Variants in VAMP4 observed in about 807,000 individuals in gnomAD.
VAMP4 encodes vesicle associated membrane protein 4.
In VAMP4, 19 loss-of-function variants were observed where a neutral mutation model predicts 23.5. That is an observed-to-expected ratio of 0.81 (90% confidence interval 0.56 to 1.19). The LOEUF (loss-of-function observed/expected upper bound fraction) is 1.19, where lower values mean the gene tolerates loss of function less well. Among genes scored for constraint, VAMP4 ranks in the 50% most tolerant of loss-of-function variants. The pLI, the probability that VAMP4 is intolerant of heterozygous loss-of-function variation, is 0.00. For synonymous variants in VAMP4, 31 were observed against 51.0 expected (o/e 0.61, Z 1.67); for missense variants, 145 against 168.6 (o/e 0.86, Z 0.78).
At position 171,710,713 on chromosome 1, in the gene VAMP4, C is replaced by T; in HGVS notation, c.265+1G>A. On this transcript the variant is annotated splice_donor_variant, in intron 5 of 7. Coordinates refer to ENST00000236192, the MANE Select transcript of VAMP4 (RefSeq NM_003762.5). LOFTEE classifies it high-confidence loss of function. ...ATCAAGAAATACATGAAGATCTGTACCTGATTTGTCCTGTAGTTCATCTAG... is the reference window on the plus strand; with the variant it reads ...ATCAAGAAATACATGAAGATCTGTATCTGATTTGTCCTGTAGTTCATCTAG... 1 of 1,590,626 alleles carries T rather than the reference C, an allele frequency of 6.3e-7. No homozygotes were observed. Among genetic ancestry groups the T allele is most frequent in the Non-Finnish European group, 8.6e-7 (1 of 1,165,620 alleles).
At position 171,730,690 on chromosome 1, in the gene VAMP4, GA is replaced by G. The variant is rs1216579395; in HGVS notation, c.67-2121del. On this transcript the variant is annotated intron_variant, in intron 2 of 7. Transcript: ENST00000236192. ...GTTAGTAACAAAAGAGAGAGGGAAGGAGGGGGAAGGGAGTAAAGTATCTAAA... is the reference window on the plus strand; with the variant it reads ...GTTAGTAACAAAAGAGAGAGGGAAGGGGGGGAAGGGAGTAAAGTATCTAAA... Among the ~76,000 whole-genome samples, 5 of 140,110 alleles carry G rather than the reference GA, an allele frequency of 3.6e-5. No homozygotes were observed. The East Asian group carries it at 1.2e-3, about 33-fold the overall frequency. 91.9% of individuals were successfully genotyped at this position (140,110 alleles called of 152,430 possible).
Position 171,702,408 on chromosome 1 carries a change from A to T in VAMP4, c.*2098T>A, listed in dbSNP as rs201577572. The T allele has an allele frequency of 2.0e-5, 3 of 152,134 alleles. No individual in the cohort carries two copies. Among genetic ancestry groups the T allele is most frequent in the Non-Finnish European group, 2.9e-5 (2 of 67,900 alleles). The allele number at this position is 152,134 out of a possible 1,614,324, so 9.4% of individuals were successfully genotyped here. On this transcript the variant is annotated 3_prime_UTR_variant, in exon 8 of 8. Transcript: ENST00000236192. ...TTGTCAAAAAATTTTACTGTTACTTATTATTTAAATTTAAAAATTTTATAA... is the reference window on the plus strand; with the variant it reads ...TTGTCAAAAAATTTTACTGTTACTTTTTATTTAAATTTAAAAATTTTATAA...
chr1:171,704,599 A>C (rs920500758), intron 7 of VAMP4, 65 bp from the exon 8 acceptor site: 89 of 1,267,406 alleles, frequency 7.0e-5, no homozygotes, highest in Non-Finnish European at 8.9e-5. Flanking sequence ...GTTTGAAGCA[A>C]TATTCCTAAA....
chr1:171,716,930 C>T (rs1655038505), intron 4 of VAMP4, among the ~76,000 whole-genome samples: 1 of 152,186 alleles, frequency 6.6e-6, no homozygotes, highest in Non-Finnish European at 1.5e-5. Context: ...GTAAAAAACG[C>T]TATACTTAAC....
Position 171,701,508 on chromosome 1 carries a change from C to T in VAMP4, c.*2998G>A, listed in dbSNP as rs1016908401. ...TATATTCCTGCCTTCTCAGTCTGTA[C>T]ACATATTATCATTTACAGGATAGTC... On this transcript the variant is annotated 3_prime_UTR_variant, in exon 8 of 8. Coordinates refer to ENST00000236192, the MANE Select transcript of VAMP4 (RefSeq NM_003762.5). 3 of 152,114 alleles carry T rather than the reference C, an allele frequency of 2.0e-5. No individual in the cohort carries two copies. The highest frequency in any genetic ancestry group is 2.0e-4 in the Admixed American group (3 of 15,260). The allele number at this position is 152,114 out of a possible 1,614,324, so 9.4% of individuals were successfully genotyped here.
At chr1:171,725,321 T>A (rs949764610) in intron 3 of VAMP4, among the ~76,000 whole-genome samples, 2 of 152,162 alleles carry the variant, frequency 1.3e-5, no homozygotes, top group African/African-American at 4.8e-5. Context: ...AGTTCCTGGG[T>A]GTAGAGGCTT....
intron 3 of VAMP4, among the ~76,000 whole-genome samples, chr1:171,727,890 CAGAA>C (rs1171857327): frequency 1.3e-5 from 2 of 152,170 alleles, no homozygotes; most frequent in African/African-American, 4.8e-5. Context: ...ACTACAGTGA[CAGAA>C]AGCAGAGCAC....
intron 3 of VAMP4, among the ~76,000 whole-genome samples, chr1:171,720,590 C>T (rs1248804940): frequency 2.0e-5 from 3 of 151,984 alleles, no homozygotes; most frequent in Non-Finnish European, 4.4e-5. Context: ...GATTTATTAA[C>T]AGAAGCTAAG....
At chr1:171,734,752 C>T (rs1336805471) in intron 2 of VAMP4, among the ~76,000 whole-genome samples, 1 of 152,092 alleles carries the variant, frequency 6.6e-6, no homozygotes, top group Non-Finnish European at 1.5e-5. Context: ...AAGGAGTTCT[C>T]TTGAAACAGT....
chr1:171,711,977 C>T (rs1229062240), intron 4 of VAMP4, among the ~76,000 whole-genome samples: 1 of 152,126 alleles, frequency 6.6e-6, no homozygotes, highest in African/African-American at 2.4e-5. Context: ...AGTGCAGTCA[C>T]ATGCTGTACG....
At chr1:171,713,215 A>G (rs1478089529) in intron 4 of VAMP4, among the ~76,000 whole-genome samples, 3 of 152,156 alleles carry the variant, frequency 2.0e-5, no homozygotes, top group Non-Finnish European at 2.9e-5. Context: ...CAGTGACTGT[A>G]GAGCCCTCCA....
In VAMP4 at chr1:171,734,698, C is replaced by T. The variant is rs892592835; in HGVS notation, c.66+3651G>A. Among the ~76,000 whole-genome samples the T allele has an allele frequency of 5.3e-5, 8 of 152,176 alleles. No individual in the cohort carries two copies. The South Asian group carries it at 1.0e-3, about 20-fold the overall frequency. The stretch of plus-strand genomic sequence containing the variant: ...TTTTAAAAGTAATTTATATATTATT[C>T]TAACCAATCAGTTATCAAACTTCAT... On this transcript the variant is annotated intron_variant, in intron 2 of 7. Transcript: ENST00000236192.
intron 2 of VAMP4, among the ~76,000 whole-genome samples, chr1:171,729,397 T>C (rs1479895543): frequency 1.3e-5 from 2 of 152,200 alleles, no homozygotes; most frequent in South Asian, 2.1e-4. Context: ...GTTTCAAATA[T>C]AGCTTATATA....
intron 4 of VAMP4, among the ~76,000 whole-genome samples, chr1:171,713,223 C>G (rs1348850924): frequency 6.6e-6 from 1 of 151,788 alleles, no homozygotes; most frequent in African/African-American, 2.4e-5. Flanking sequence ...GTAGAGCCCT[C>G]CATTTAACTA....
intron 6 of VAMP4, among the ~76,000 whole-genome samples, chr1:171,707,675 G>C (rs1230743592): frequency 1.3e-5 from 2 of 152,008 alleles, no homozygotes; most frequent in Non-Finnish European, 2.9e-5. Context: ...TACTGTAAAT[G>C]GTGTTTGTTA....
At chr1:171,712,935 CTCT>C (rs989064229) in intron 4 of VAMP4, among the ~76,000 whole-genome samples, 2 of 152,158 alleles carry the variant, frequency 1.3e-5, no homozygotes, top group Non-Finnish European at 2.9e-5. Context: ...TACCCCATTA[CTCT>C]ATTTTATTTA....
chr1:171,733,780 G>A (rs1655639900), intron 2 of VAMP4, among the ~76,000 whole-genome samples: 1 of 152,168 alleles, frequency 6.6e-6, no homozygotes, highest in Admixed American at 6.5e-5. Flanking sequence ...CAGTTCTTCA[G>A]AAGGCTGAAC....
intron 4 of VAMP4, among the ~76,000 whole-genome samples, chr1:171,711,344 T>G (rs112874677): frequency 0.015 from 2,245 of 152,260 alleles, 51 homozygotes; most frequent in African/African-American, 0.05. Context: ...TAAGAGATAC[T>G]GATGCTCAAT....
intron 2 of VAMP4, among the ~76,000 whole-genome samples, chr1:171,731,205 C>G (rs1441061924): frequency 6.6e-6 from 1 of 151,966 alleles, no homozygotes; most frequent in Non-Finnish European, 1.5e-5. Flanking sequence ...AACAGGATTG[C>G]AATTGAACAA....
Sources: allele counts gnomAD v4.1 joint callset (sites outside exome capture counted in the v4.1 genomes callset), GRCh38; gene constraint gnomAD v4.1.1; transcripts MANE v1.5; gene names NCBI Gene and HGNC (gene_info 2026-07-23, HGNC 2026-07-21).